WWOX: variants seen among roughly 807,000 people sequenced by gnomAD.
The protein encoded by WWOX is WW domain containing oxidoreductase, also known as WW domain-containing oxidoreductase.
WWOX carries 69 observed loss-of-function variants against 46.2 expected under a neutral mutation model. The observed-to-expected ratio is 1.49, with a 90% confidence interval of 1.23 to 1.82. WWOX has a LOEUF of 1.82. WWOX is among the 40% of genes most tolerant of loss of function. WWOX has a pLI of 0.00. For missense variants in WWOX, 919 were observed against 542.6 expected (o/e 1.69, Z -6.89); for synonymous variants, 359 against 202.6 (o/e 1.77, Z -6.56).
At chr16:79,096,913 G>C (rs1029923892) in intron 8 of WWOX, among the ~76,000 whole-genome samples, 1 of 152,150 alleles carries the variant, frequency 6.6e-6, no homozygotes, top group African/African-American at 2.4e-5. Flanking sequence ...GAGAAGAAAG[G>C]ATCAGGGTCG....
chr16:78,104,332 C>G (rs1250440828), intron 1 of WWOX, among the ~76,000 whole-genome samples: 1 of 90,142 alleles, frequency 1.1e-5, no homozygotes, highest in African/African-American at 2.9e-5. Flanking sequence ...TCAAAAAACA[C>G]ACGCACGCAC....
intron 8 of WWOX, among the ~76,000 whole-genome samples, chr16:78,827,508 A>G (rs1228302910): frequency 1.3e-5 from 2 of 152,022 alleles, no homozygotes; most frequent in African/African-American, 4.8e-5. Context: ...GGGAGACCCC[A>G]GGACTGAAAG....
At chr16:78,253,460 T>G (rs1339261253) in intron 5 of WWOX, among the ~76,000 whole-genome samples, 1 of 152,184 alleles carries the variant, frequency 6.6e-6, no homozygotes, top group African/African-American at 2.4e-5. Context: ...GCAAAGGAGT[T>G]AGGTACCCTG....
In WWOX at chr16:79,112,550, C is replaced by T. The variant is rs73576947; in HGVS notation, c.1057-99058C>T. Among the ~76,000 whole-genome samples, 353 of 152,236 alleles carry T rather than the reference C, an allele frequency of 2.3e-3. 1 individual carries two copies. Among genetic ancestry groups the T allele is most frequent in the African/African-American group, 8.1e-3 (336 of 41,544 alleles). The stretch of plus-strand genomic sequence containing the variant: ...CTTCTAAACCAACATCCCCGGCAAA[C>T]GGGAGCAAGACACCAGCTTTTCACT... On this transcript the variant is annotated intron_variant, in intron 8 of 8. Transcript: ENST00000566780.
intron 8 of WWOX, among the ~76,000 whole-genome samples, chr16:78,971,462 AAAAAAAAAAAAAGAG>A (rs1325381612): frequency 2.0e-5 from 3 of 150,348 alleles, no homozygotes; most frequent in African/African-American, 7.4e-5. Flanking sequence ...AAAAAAAAAA[AAAAAAAAAAAAAGAG>A]AGAGATAGGC....
At chr16:78,622,084 T>C (rs772563247) in intron 8 of WWOX, among the ~76,000 whole-genome samples, 1 of 152,204 alleles carries the variant, frequency 6.6e-6, no homozygotes, top group Non-Finnish European at 1.5e-5. Flanking sequence ...CACACCAGTA[T>C]TTTATTACAT....
Position 78,844,680 on chromosome 16 carries a change from T to C in WWOX, c.1057-366928T>C, listed in dbSNP as rs141414661. On this transcript the variant is annotated intron_variant, in intron 8 of 8. Coordinates refer to ENST00000566780, the MANE Select transcript of WWOX (RefSeq NM_016373.4). Reference sequence around the variant, plus strand: ...TATCCTCAAATTAAAACATACCTTTTTAAAGAAAGATTTTGCAGACTTTTA... The same window carrying C: ...TATCCTCAAATTAAAACATACCTTTCTAAAGAAAGATTTTGCAGACTTTTA... 3.9e-5 allele frequency among the ~76,000 whole-genome samples: 6 copies of C among 152,338 alleles called. No individual in the cohort carries two copies. In the East Asian group the frequency reaches 1.2e-3, roughly 29 times the overall value.
At chr16:78,749,999 A>G (rs7198030) in intron 8 of WWOX, among the ~76,000 whole-genome samples, 27,935 of 152,112 alleles carry the variant, frequency 0.18, 3,628 homozygotes, top group African/African-American at 0.37. Context: ...CCCCCCAACA[A>G]TCCCTTCTTG....
At position 78,349,128 on chromosome 16, in the gene WWOX, G is replaced by A. The variant is rs1436224938; in HGVS notation, c.517-37732G>A. ...GTTGATGTCTTCTGAGGTCTACCTC[G>A]TCTGCTTGCAGACAGCCGCCTTCCC... On this transcript the variant is annotated intron_variant, in intron 5 of 8. Coordinates refer to ENST00000566780, the MANE Select transcript of WWOX (RefSeq NM_016373.4). Among the ~76,000 whole-genome samples the A allele has an allele frequency of 5.0e-5, 6 of 120,616 alleles. 2 individuals are homozygous for A. Among genetic ancestry groups the A allele is most frequent in the Admixed American group, 1.6e-4 (2 of 12,420 alleles). The allele number at this position is 120,616 out of a possible 152,430, so 79.1% of individuals were successfully genotyped here. A position where few individuals can be genotyped will look rare whatever the true frequency, so the allele number is the denominator to read the frequency against.
rs548815485 is a variant in WWOX at position 78,599,917 on chromosome 16, G to A, written c.1056+167165G>A. Among the ~76,000 whole-genome samples, 3 of 152,238 alleles carry A rather than the reference G, an allele frequency of 2.0e-5. No individual in the cohort carries two copies. In the South Asian group the frequency reaches 6.2e-4, roughly 32 times the overall value. ...TCTAGGACTCAAAGATGCCGTGGGG[G>A]TGTATTAGTCTGTTTCCTTGCTGTT... On this transcript the variant is annotated intron_variant, in intron 8 of 8. Coordinates refer to ENST00000566780, the MANE Select transcript of WWOX (RefSeq NM_016373.4).
chr16:78,935,931 T>TA (rs1185221047), intron 8 of WWOX, among the ~76,000 whole-genome samples: 45 of 151,476 alleles, frequency 3.0e-4, no homozygotes, highest in African/African-American at 1.1e-3. Context: ...TAAAATAAAA[T>TA]AAGCAGCAGC....
chr16:79,184,638 G>A (rs1179353808), intron 8 of WWOX, among the ~76,000 whole-genome samples: 1 of 152,170 alleles, frequency 6.6e-6, no homozygotes, highest in African/African-American at 2.4e-5. Context: ...GGTCAATATG[G>A]CATCCAGCCT....
intron 5 of WWOX, among the ~76,000 whole-genome samples, chr16:78,183,104 G>A (rs535980608): frequency 6.6e-6 from 1 of 152,210 alleles, no homozygotes; most frequent in East Asian, 1.9e-4. Context: ...TAGTCAACAA[G>A]CATGTTTTGA....
In WWOX at chr16:78,466,834, C is replaced by T. The variant is rs145391448; in HGVS notation, c.1056+34082C>T. Among the ~76,000 whole-genome samples the T allele has an allele frequency of 8.6e-3, 1,305 of 151,990 alleles. 7 individuals carry two copies. Among genetic ancestry groups the T allele is most frequent in the African/African-American group, 0.022 (904 of 41,392 alleles). On this transcript the variant is annotated intron_variant, in intron 8 of 8. Coordinates refer to ENST00000566780, the MANE Select transcript of WWOX (RefSeq NM_016373.4). The stretch of plus-strand genomic sequence containing the variant: ...CTGCACTCCAGCGTGGGCAACAGAG[C>T]GAGACTCCGTCTCAAAAAAAAAAGC...
chr16:78,233,539 T>G (rs1567445452), intron 5 of WWOX, among the ~76,000 whole-genome samples: 1 of 150,920 alleles, frequency 6.6e-6, no homozygotes, highest in Non-Finnish European at 1.5e-5. Context: ...TTTTTTTTTT[T>G]TTTTTGAGAT....
At chr16:78,340,286 TC>T (rs2080988849) in intron 5 of WWOX, among the ~76,000 whole-genome samples, 1 of 115,716 alleles carries the variant, frequency 8.6e-6, no homozygotes, top group African/African-American at 2.9e-5. Flanking sequence ...AACCTCCACC[TC>T]CCAGGTTCAA....
intron 8 of WWOX, among the ~76,000 whole-genome samples, chr16:79,091,800 G>A (rs868859020): frequency 9.6e-5 from 2 of 20,746 alleles, no homozygotes; most frequent in East Asian, 3.5e-3. Flanking sequence ...TTTTTTTTTT[G>A]AGACGGAGTC....
At chr16:78,933,815 C>T (rs1375988531) in intron 8 of WWOX, among the ~76,000 whole-genome samples, 1 of 152,160 alleles carries the variant, frequency 6.6e-6, no homozygotes, top group Non-Finnish European at 1.5e-5. Flanking sequence ...CACCAGCTTC[C>T]TCCCACGACA....
At chr16:78,361,792 A>C (rs1263077790) in intron 5 of WWOX, among the ~76,000 whole-genome samples, 2 of 151,978 alleles carry the variant, frequency 1.3e-5, no homozygotes, top group East Asian at 3.9e-4. Flanking sequence ...TTATATTTTT[A>C]GTAGAGATGG....
Sources: gnomAD v4.1 joint callset for allele counts (sites outside exome capture counted in the v4.1 genomes callset) on GRCh38, gnomAD v4.1.1 for gene constraint, MANE v1.5 for transcripts, NCBI Gene and HGNC (gene_info 2026-07-23, HGNC 2026-07-21) for gene names.